The following SNX24 variants were observed in gnomAD, a reference collection of about 807,000 sequenced individuals.
SNX24 encodes the protein sorting nexin-24.
Under a neutral mutation model 28.7 loss-of-function variants are expected in SNX24, and 22 were observed. That is an observed-to-expected ratio of 0.77 (90% CI 0.55 to 1.10). The LOEUF is 1.10. Ranked by LOEUF, SNX24 falls within the 50% of genes least tolerant of loss-of-function variation. SNX24 has a pLI of 0.00. For synonymous variants in SNX24, 69 were observed against 71.5 expected, an observed-to-expected ratio of 0.96 and a Z score of 0.18; for missense variants, 221 against 201.1, an observed-to-expected ratio of 1.10 and a Z score of -0.60.
intron 3 of SNX24, among the ~76,000 whole-genome samples, chr5:122,959,903 A>T (rs1760404366): frequency 6.6e-6 from 1 of 152,182 alleles, no homozygotes; most frequent in Admixed American, 6.5e-5. Flanking sequence ...CATGGGGTTT[A>T]CTAAAGAATA....
At chr5:122,878,165 G>T (rs749346959) in intron 1 of SNX24, among the ~76,000 whole-genome samples, 1 of 152,174 alleles carries the variant, frequency 6.6e-6, no homozygotes, top group Non-Finnish European at 1.5e-5. Context: ...GTGGGAAAAT[G>T]GAGTGGGAAG....
At chr5:122,951,563 T>C (rs895428988) in intron 3 of SNX24, among the ~76,000 whole-genome samples, 1 of 152,194 alleles carries the variant, frequency 6.6e-6, no homozygotes, top group African/African-American at 2.4e-5. Flanking sequence ...GTTTATATGA[T>C]AGTTTTGCCT....
At chr5:122,900,774 A>G (rs1757406880) in intron 1 of SNX24, among the ~76,000 whole-genome samples, 1 of 152,136 alleles carries the variant, frequency 6.6e-6, no homozygotes, top group South Asian at 2.1e-4. Flanking sequence ...AGTCTCAAAA[A>G]AGAAAGAAAA....
chr5:122,856,269 C>T (rs1311868939), intron 1 of SNX24, among the ~76,000 whole-genome samples: 3 of 152,112 alleles, frequency 2.0e-5, no homozygotes, highest in African/African-American at 7.2e-5. Flanking sequence ...TAATGGCCCC[C>T]AGCTCCAACC....
At chr5:122,868,961 T>G (rs1456134273) in intron 1 of SNX24, among the ~76,000 whole-genome samples, 1 of 152,248 alleles carries the variant, frequency 6.6e-6, no homozygotes, top group African/African-American at 2.4e-5. Context: ...GTGTTTTTCT[T>G]CATTTTGTTC....
At chr5:122,855,991 G>T (rs1440393017) in intron 1 of SNX24, among the ~76,000 whole-genome samples, 1 of 152,084 alleles carries the variant, frequency 6.6e-6, no homozygotes, top group Non-Finnish European at 1.5e-5. Context: ...TTAGGTTCGG[G>T]GGTACATGTG....
At chr5:123,007,654 T>A (rs780924779) in intron 6 of SNX24, 28 bp from the exon 7 acceptor site, 1 of 1,558,156 alleles carries the variant, frequency 6.4e-7, no homozygotes, top group Non-Finnish European at 8.7e-7. Flanking sequence ...TTTTCTTTTT[T>A]TTTTCTTTTT....
At chr5:122,947,201 G>A (rs149537371) in intron 3 of SNX24, among the ~76,000 whole-genome samples, 37 of 152,146 alleles carry the variant, frequency 2.4e-4, no homozygotes, top group African/African-American at 8.7e-4. Context: ...TATCTTCATG[G>A]CCCTTTAAGC....
At chr5:123,027,952 C>T (rs991388214) in intron 5 of SNX24, among the ~76,000 whole-genome samples, 10 of 152,176 alleles carry the variant, frequency 6.6e-5, no homozygotes, top group Admixed American at 2.0e-4. Flanking sequence ...TTGAAACTCT[C>T]TAAATTTAAC....
chr5:122,898,382 C>T (rs1757293504), intron 1 of SNX24, among the ~76,000 whole-genome samples: 1 of 152,194 alleles, frequency 6.6e-6, no homozygotes, highest in Non-Finnish European at 1.5e-5. Flanking sequence ...CTCAAAATTC[C>T]TTTTCATTTA....
chr5:123,025,955 A>G (rs1450020844), intron 5 of SNX24: 6 of 1,600,834 alleles, frequency 3.7e-6, no homozygotes, highest in Non-Finnish European at 5.1e-6. Flanking sequence ...ATGTCTCACC[A>G]TAGATGCTCA....
At chr5:122,885,739 A>G (rs1380058951) in intron 1 of SNX24, among the ~76,000 whole-genome samples, 2 of 152,112 alleles carry the variant, frequency 1.3e-5, no homozygotes, top group Admixed American at 1.3e-4. Flanking sequence ...GGTTTGGAGG[A>G]TTCTGGGCTT....
intron 1 of SNX24, among the ~76,000 whole-genome samples, chr5:122,883,034 CAG>C (rs1280743346): frequency 1.3e-5 from 2 of 152,008 alleles, no homozygotes. Context: ...AAAGTAGAAA[CAG>C]AGCAAGGTAC....
chr5:122,969,795 A>G (rs1297888926), intron 3 of SNX24, among the ~76,000 whole-genome samples: 2 of 152,046 alleles, frequency 1.3e-5, no homozygotes, highest in East Asian at 3.9e-4. Context: ...GACCTTCTTT[A>G]TATTCCACAT....
chr5:122,925,123 TC>T (rs953361478), intron 1 of SNX24, among the ~76,000 whole-genome samples: 19 of 94,574 alleles, frequency 2.0e-4, no homozygotes, highest in Admixed American at 7.6e-4. Context: ...TCCCCTTTCC[TC>T]CCCCTTCTCC....
chr5:122,993,512 G>T (rs1244840169), intron 3 of SNX24, among the ~76,000 whole-genome samples: 2 of 152,074 alleles, frequency 1.3e-5, no homozygotes, highest in Non-Finnish European at 2.9e-5. Context: ...GTGATAGCAG[G>T]TATGGTCTCG....
intron 4 of SNX24, 81 bp from the exon 5 acceptor site, chr5:123,001,323 TG>T: frequency 1.2e-6 from 1 of 860,314 alleles, no homozygotes; most frequent in Non-Finnish European, 1.9e-6. Flanking sequence ...CTAATAATAT[TG>T]GGTATTTTTT....
intron 3 of SNX24, among the ~76,000 whole-genome samples, chr5:122,983,968 GAAT>G (rs1311269834): frequency 1.3e-5 from 2 of 152,194 alleles, no homozygotes; most frequent in African/African-American, 4.8e-5. Context: ...GGCCACTAAA[GAAT>G]AATTGATATT....
At chr5:123,002,331 C>G (rs909321345) in intron 6 of SNX24, among the ~76,000 whole-genome samples, 56 of 152,268 alleles carry the variant, frequency 3.7e-4, no homozygotes, top group African/African-American at 1.3e-3. Context: ...AAATTCAAGG[C>G]TCTAGTCCTT....
Sources: allele counts gnomAD v4.1 joint callset (sites outside exome capture counted in the v4.1 genomes callset), GRCh38; gene constraint gnomAD v4.1.1; transcripts MANE v1.5; gene names NCBI Gene and HGNC (gene_info 2026-07-23, HGNC 2026-07-21).